Variants in MKLN1 observed in about 807,000 individuals in gnomAD.
MKLN1 encodes the protein muskelin 1.
In MKLN1, 18 loss-of-function variants were observed where a neutral mutation model predicts 99.0. The ratio of observed to expected loss-of-function variants is 0.18; its 90% CI spans 0.13 to 0.27. The LOEUF (loss-of-function observed/expected upper bound fraction) is 0.27, where lower values mean the gene tolerates loss of function less well. Ranked by LOEUF, MKLN1 falls within the 10% of genes least tolerant of loss-of-function variation. The pLI, the probability that MKLN1 is intolerant of heterozygous loss-of-function variation, is 1.00. For missense variants in MKLN1, 621 were observed against 875.9 expected, an observed-to-expected ratio of 0.71 and a Z score of 3.67; for synonymous variants, 288 against 293.2, an observed-to-expected ratio of 0.98 and a Z score of 0.18.
intron 7 of MKLN1, among the ~76,000 whole-genome samples, chr7:131,412,195 T>C (rs887150191): frequency 2.0e-5 from 3 of 152,198 alleles, no homozygotes; most frequent in Non-Finnish European, 4.4e-5. Flanking sequence ...TAAAATTTTC[T>C]TTTTAAACCT....
intron 11 of MKLN1, among the ~76,000 whole-genome samples, chr7:131,444,766 T>A (rs62468086): frequency 0.25 from 5,677 of 22,818 alleles, 118 homozygotes; most frequent in Middle Eastern, 0.28. Context: ...GTAGAAGAAG[T>A]AGTAGTAGTA....
At chr7:131,142,361 A>G (rs1012668266) in intron 1 of MKLN1, among the ~76,000 whole-genome samples, 4 of 151,948 alleles carry the variant, frequency 2.6e-5, no homozygotes, top group Admixed American at 1.3e-4. Flanking sequence ...CAGTGAGCCA[A>G]GATCGCGCCA....
At chr7:131,303,411 T>C (rs1249068906) in intron 3 of MKLN1, among the ~76,000 whole-genome samples, 1 of 152,262 alleles carries the variant, frequency 6.6e-6, no homozygotes, top group African/African-American at 2.4e-5. Flanking sequence ...TACTTTCTCC[T>C]GGAAAATAAA....
chr7:131,221,565 G>A (rs890015538), intron 3 of MKLN1, among the ~76,000 whole-genome samples: 1 of 149,202 alleles, frequency 6.7e-6, no homozygotes, highest in Non-Finnish European at 1.5e-5. Context: ...CTGGAGGGCA[G>A]TGGCATGATT....
At position 131,280,031 on chromosome 7, in the gene MKLN1, T is replaced by G. The variant is rs114279305; in HGVS notation, c.-179+77057T>G. 4.6e-3 allele frequency among the ~76,000 whole-genome samples: 705 copies of G among 152,280 alleles called. 5 individuals are homozygous for G. Among genetic ancestry groups the G allele is most frequent in the African/African-American group, 0.016 (665 of 41,548 alleles). Reference sequence around the variant, plus strand: ...CTTGCTGTCTCTATGGATTTGCCTATTCTGGACATTTGGTATAAATGGATT... The same window carrying G: ...CTTGCTGTCTCTATGGATTTGCCTAGTCTGGACATTTGGTATAAATGGATT... On this transcript the variant is annotated intron_variant, in intron 3 of 7. Transcript: ENST00000416992.
chr7:131,179,556 C>CATTATTATT (rs146282031), intron 2 of MKLN1, among the ~76,000 whole-genome samples: 8,333 of 150,400 alleles, frequency 0.055, 235 homozygotes, highest in Middle Eastern at 0.1. Context: ...TTAAAAGAGA[C>CATTATTATT]ATTATTATTA....
At chr7:131,336,806 A>C (rs540029060) in intron 1 of MKLN1, among the ~76,000 whole-genome samples, 2 of 152,272 alleles carry the variant, frequency 1.3e-5, no homozygotes, top group South Asian at 4.1e-4. Context: ...TGTTTTGTAC[A>C]GTTAATATTT....
intron 3 of MKLN1, among the ~76,000 whole-genome samples, chr7:131,256,324 A>G (rs901236551): frequency 6.6e-6 from 1 of 152,264 alleles, no homozygotes; most frequent in Non-Finnish European, 1.5e-5. Context: ...TGCAAGAAAC[A>G]GGTTCTTCAG....
chr7:131,251,327 G>A (rs771178156), intron 3 of MKLN1, among the ~76,000 whole-genome samples: 3 of 152,096 alleles, frequency 2.0e-5, no homozygotes, highest in Non-Finnish European at 4.4e-5. Context: ...CTGCCTACCG[G>A]GCAGGGTGAT....
intron 3 of MKLN1, among the ~76,000 whole-genome samples, chr7:131,288,941 C>T (rs1798173639): frequency 6.6e-6 from 1 of 152,080 alleles, no homozygotes; most frequent in African/African-American, 2.4e-5. Flanking sequence ...TGGCTGTTCA[C>T]CATCAAGTGC....
intron 2 of MKLN1, among the ~76,000 whole-genome samples, chr7:131,159,406 G>C (rs1796014745): frequency 6.6e-6 from 1 of 152,126 alleles, no homozygotes; most frequent in Non-Finnish European, 1.5e-5. Flanking sequence ...ATGAAATCAT[G>C]TCATTTGCAG....
chr7:131,134,019 G>A (rs1413048558), intron 1 of MKLN1, among the ~76,000 whole-genome samples: 6 of 151,048 alleles, frequency 4.0e-5, no homozygotes, highest in East Asian at 3.9e-4. Flanking sequence ...TAGTGGAGAC[G>A]GGGTTTCACC....
In MKLN1 at chr7:131,496,274, GC is replaced by G. The variant is rs1797558667; in HGVS notation, c.*8547del. The G allele has an allele frequency of 6.6e-6, 1 of 152,064 alleles. No homozygotes were observed. The highest frequency in any genetic ancestry group is 2.1e-4 in the South Asian group (1 of 4,836). The allele number at this position is 152,064 out of a possible 1,614,324, so 9.4% of individuals were successfully genotyped here. A position where few individuals can be genotyped will look rare whatever the true frequency, so the allele number is the denominator to read the frequency against. ...GAAATCATGGGACTCTGGAAAGCTGGCATGAGCTGGTTGGAGCTTTTAAACA... is the reference window on the plus strand; with the variant it reads ...GAAATCATGGGACTCTGGAAAGCTGGATGAGCTGGTTGGAGCTTTTAAACA... On this transcript the variant is annotated 3_prime_UTR_variant, in exon 18 of 18. Transcript: ENST00000352689.
intron 10 of MKLN1, among the ~76,000 whole-genome samples, chr7:131,439,865 AACACACACACACACACAC>A (rs57399724): frequency 0.4 from 58,189 of 146,164 alleles, 11,832 homozygotes; most frequent in East Asian, 0.49. Flanking sequence ...AAAAGATTTA[AACACACACACACACACAC>A]ACACACACAC....
At chr7:131,416,764 T>G (rs1342759725) in intron 8 of MKLN1, among the ~76,000 whole-genome samples, 1 of 151,912 alleles carries the variant, frequency 6.6e-6, no homozygotes, top group East Asian at 1.9e-4. Context: ...GGAGGATCCC[T>G]TGATCCCACA....
intron 17 of MKLN1, among the ~76,000 whole-genome samples, chr7:131,482,352 G>A (rs1562888344): frequency 6.6e-6 from 1 of 152,092 alleles, no homozygotes; most frequent in Non-Finnish European, 1.5e-5. Flanking sequence ...GCACAACCAT[G>A]CTGAGCTAAT....
chr7:131,315,884 T>C (rs923855406), intron 3 of MKLN1, among the ~76,000 whole-genome samples: 1 of 152,116 alleles, frequency 6.6e-6, no homozygotes, highest in Non-Finnish European at 1.5e-5. Context: ...GAAGCAAAGG[T>C]AACAGCCCCA....
At chr7:131,396,468 CTAAT>C (rs1794364067) in intron 4 of MKLN1, among the ~76,000 whole-genome samples, 1 of 152,050 alleles carries the variant, frequency 6.6e-6, no homozygotes, top group South Asian at 2.1e-4. Context: ...GTTGAGACCT[CTAAT>C]TAGTGACAAA....
chr7:131,312,613 G>A (rs1036855379), intron 3 of MKLN1, among the ~76,000 whole-genome samples: 4 of 151,904 alleles, frequency 2.6e-5, no homozygotes, highest in Non-Finnish European at 5.9e-5. Context: ...ATTCTACTTA[G>A]GACAAAGATT....
Sources: gnomAD v4.1 joint callset for allele counts (sites outside exome capture counted in the v4.1 genomes callset) on GRCh38, gnomAD v4.1.1 for gene constraint, MANE v1.5 for transcripts, NCBI Gene and HGNC (gene_info 2026-07-23, HGNC 2026-07-21) for gene names.